Variants in CYP3A5 observed in about 807,000 individuals in gnomAD.
CYP3A5 encodes cytochrome P450 family 3 subfamily A member 5.
CYP3A5 carries 51 observed loss-of-function variants against 55.9 expected under a neutral mutation model. The ratio of observed to expected loss-of-function variants is 0.91; its 90% CI spans 0.73 to 1.15. The LOEUF is 1.15. Among genes scored for constraint, CYP3A5 ranks in the 50% most tolerant of loss-of-function variants. The pLI is 0.00. For synonymous variants in CYP3A5, 196 were observed against 213.9 expected (o/e 0.92, Z 0.73); for missense variants, 533 against 596.6 (o/e 0.89, Z 1.11).
At chr7:99,674,503 C>T (rs1812027020) in intron 3 of CYP3A5, 30 bp downstream of exon 3, 1 of 1,594,474 alleles carries the variant, frequency 6.3e-7, no homozygotes, top group African/African-American at 1.3e-5. Flanking sequence ...AGTAGCAGGT[C>T]TATCCAATGG....
chr7:99,657,843 T>A (rs1410159923), intron 10 of CYP3A5, among the ~76,000 whole-genome samples: 3 of 152,134 alleles, frequency 2.0e-5, no homozygotes, highest in African/African-American at 7.2e-5. Context: ...TGTAATGGCC[T>A]TCTTTGTCTC....
intron 1 of CYP3A5, among the ~76,000 whole-genome samples, chr7:99,677,718 G>A (rs538151388): frequency 2.0e-5 from 3 of 152,336 alleles, no homozygotes; most frequent in South Asian, 2.1e-4. Context: ...GTGGAAGTGC[G>A]TGCACCACCT....
At chr7:99,677,087 A>C in intron 1 of CYP3A5, 1 of 710,072 alleles carries the variant, frequency 1.4e-6, no homozygotes, top group Non-Finnish European at 1.7e-6. Context: ...CTGTACGTGA[A>C]GTATCTCTGA....
At chr7:99,652,993 T>C (rs143200606) in intron 10 of CYP3A5, among the ~76,000 whole-genome samples, 11 of 152,314 alleles carry the variant, frequency 7.2e-5, no homozygotes, top group South Asian at 6.2e-4. Context: ...GTAGGAGATA[T>C]TCAAGACCAT....
chr7:99,664,188 A>G, intron 7 of CYP3A5, 93 bp from the exon 8 acceptor site: 1 of 1,073,264 alleles, frequency 9.3e-7, no homozygotes, highest in South Asian at 1.4e-5. Context: ...AATAAGAATA[A>G]GAACATCATG....
chr7:99,664,733 TCAAATTGATTATAATTATTTACACCA>T lies in CYP3A5; in HGVS notation c.670+407_670+432del, dbSNP rs1810805360. 2.0e-5 allele frequency among the ~76,000 whole-genome samples: 3 copies of T among 152,102 alleles called. No individual in the cohort carries two copies. The South Asian group carries it at 6.2e-4, about 32-fold the overall frequency. ...TCTAAATTTAAAAGAAGAAAATATCTCAAATTGATTATAATTATTTACACCACAAAACACTAAAAGAAGAAGAGCAA... is the reference window on the plus strand; with the variant it reads ...TCTAAATTTAAAAGAAGAAAATATCTCAAAACACTAAAAGAAGAAGAGCAA... On this transcript the variant is annotated intron_variant, in intron 7 of 12. Coordinates refer to ENST00000222982, the MANE Select transcript of CYP3A5 (RefSeq NM_000777.5).
intron 4 of CYP3A5, among the ~76,000 whole-genome samples, chr7:99,668,348 A>G (rs1323330833): frequency 6.6e-6 from 1 of 152,252 alleles, no homozygotes; most frequent in African/African-American, 2.4e-5. Context: ...GATATAGATT[A>G]TACCCAAATT....
At chr7:99,666,061 C>T (rs971193868) in intron 6 of CYP3A5, among the ~76,000 whole-genome samples, 1 of 152,050 alleles carries the variant, frequency 6.6e-6, no homozygotes, top group Non-Finnish European at 1.5e-5. Context: ...TTGTAGACAG[C>T]AAATAATAGG....
At chr7:99,665,387 AC>A (rs1810902784) in intron 6 of CYP3A5, 73 bp from the exon 7 acceptor site, 1 of 1,568,236 alleles carries the variant, frequency 6.4e-7, no homozygotes. Context: ...GCAGCAAGAA[AC>A]CCACATATCC....
chr7:99,665,544 C>T (rs1810916999), intron 6 of CYP3A5, among the ~76,000 whole-genome samples: 1 of 152,226 alleles, frequency 6.6e-6, no homozygotes, highest in East Asian at 1.9e-4. Context: ...GAGTTAGACT[C>T]ACCTCTGAGG....
chr7:99,663,902 TC>T, intron 8 of CYP3A5, 65 bp downstream of exon 8: 1 of 1,522,546 alleles, frequency 6.6e-7, no homozygotes, highest in Non-Finnish European at 8.7e-7. Flanking sequence ...ACATGCTCTA[TC>T]ATGTGTATAA....
chr7:99,658,665 C>A (rs1373731819), intron 10 of CYP3A5, among the ~76,000 whole-genome samples: 1 of 152,200 alleles, frequency 6.6e-6, no homozygotes, highest in East Asian at 1.9e-4. Flanking sequence ...TGGATAATAT[C>A]CTGCAGAGTG....
At chr7:99,666,743 GA>G in intron 5 of CYP3A5, 54 bp from the exon 6 acceptor site, 1 of 1,613,366 alleles carries the variant, frequency 6.2e-7, no homozygotes, top group Non-Finnish European at 8.5e-7. Flanking sequence ...TCAAGTCCCA[GA>G]AGGATATGGC....
At chr7:99,675,336 A>G (rs1289667320) in intron 2 of CYP3A5, among the ~76,000 whole-genome samples, 1 of 152,210 alleles carries the variant, frequency 6.6e-6, no homozygotes, top group Non-Finnish European at 1.5e-5. Flanking sequence ...ATGTTGATCT[A>G]CTACAAGAGT....
intron 10 of CYP3A5, among the ~76,000 whole-genome samples, chr7:99,657,476 A>G (rs1382998466): frequency 6.6e-6 from 1 of 152,152 alleles, no homozygotes; most frequent in Non-Finnish European, 1.5e-5. Flanking sequence ...GTTCTTTTAC[A>G]TTTGCTGAGG....
At chr7:99,656,210 G>A (rs1386066355) in intron 10 of CYP3A5, among the ~76,000 whole-genome samples, 2 of 152,206 alleles carry the variant, frequency 1.3e-5, no homozygotes, top group African/African-American at 2.4e-5. Flanking sequence ...GATATTGGCT[G>A]TGGGTTTGTC....
chr7:99,649,818 A>C lies in CYP3A5; in HGVS notation c.1413+255T>G, dbSNP rs558250150. Among the ~76,000 whole-genome samples the C allele has an allele frequency of 8.5e-5, 13 of 152,066 alleles. No individual in the cohort carries two copies. The South Asian group carries it at 2.7e-3, about 32-fold the overall frequency. The stretch of plus-strand genomic sequence containing the variant: ...TTCTTTCCAATTGACTTGAAACTGA[A>C]TTTAAACTTACTCAGGTTCAAAGAG... On this transcript the variant is annotated intron_variant, in intron 12 of 12. Coordinates refer to ENST00000222982, the MANE Select transcript of CYP3A5 (RefSeq NM_000777.5).
rs41303964 is a variant in CYP3A5, at chr7:99,649,017, A to G, written c.1414-617T>C. ...TGTTTTGACTCATACTTCTAGCACTATTGTCACTGAGTCACCCCTTCACTG... is the reference window on the plus strand; with the variant it reads ...TGTTTTGACTCATACTTCTAGCACTGTTGTCACTGAGTCACCCCTTCACTG... On this transcript the variant is annotated intron_variant, in intron 12 of 12. Transcript: ENST00000222982. 1.4e-4 allele frequency among the ~76,000 whole-genome samples: 21 copies of G among 152,298 alleles called. 2 individuals carry two copies. In the East Asian group the frequency reaches 3.9e-3, roughly 28 times the overall value.
intron 3 of CYP3A5, chr7:99,673,059 G>C (rs1205879343): frequency 4.3e-6 from 1 of 230,948 alleles, no homozygotes; most frequent in East Asian, 1.6e-4. Context: ...TTATCAAAAA[G>C]AATATTAGGT....
Sources: allele counts gnomAD v4.1 joint callset (sites outside exome capture counted in the v4.1 genomes callset), GRCh38; gene constraint gnomAD v4.1.1; transcripts MANE v1.5; gene names NCBI Gene and HGNC (gene_info 2026-07-23, HGNC 2026-07-21).